The following TRPS1 variants were observed in gnomAD, a reference collection of about 807,000 sequenced individuals.
TRPS1 encodes transcriptional repressor GATA binding 1.
In TRPS1, 6 loss-of-function variants were observed where a neutral mutation model predicts 101.2. The observed-to-expected ratio is 0.06, with a 90% CI of 0.03 to 0.12. TRPS1 has a LOEUF of 0.12. TRPS1 is among the 10% of genes least tolerant of loss of function. The pLI is 1.00. For missense variants in TRPS1, 1,363 were observed against 1,567.0 expected, an observed-to-expected ratio of 0.87 and a Z score of 2.20; for synonymous variants, 578 against 589.8, an observed-to-expected ratio of 0.98 and a Z score of 0.29.
intron 6 of TRPS1, among the ~76,000 whole-genome samples, chr8:115,416,097 TA>T (rs1333303184): frequency 1.3e-5 from 2 of 152,146 alleles, no homozygotes; most frequent in African/African-American, 4.8e-5. Flanking sequence ...GTTGAAAATC[TA>T]AATTCATGTG....
At chr8:115,429,509 C>T (rs938139590) in intron 5 of TRPS1, among the ~76,000 whole-genome samples, 1 of 152,122 alleles carries the variant, frequency 6.6e-6, no homozygotes, top group African/African-American at 2.4e-5. Flanking sequence ...CACACTATAT[C>T]GCATACCAAA....
intron 5 of TRPS1, among the ~76,000 whole-genome samples, chr8:115,465,449 T>C (rs1485621313): frequency 6.6e-6 from 1 of 152,040 alleles, no homozygotes; most frequent in Non-Finnish European, 1.5e-5. Context: ...TCCAAAACAC[T>C]AGGGACAGAG....
intron 1 of TRPS1, among the ~76,000 whole-genome samples, chr8:115,658,453 A>T (rs1811724277): frequency 6.6e-6 from 1 of 152,182 alleles, no homozygotes; most frequent in Non-Finnish European, 1.5e-5. Flanking sequence ...TGGATTATAC[A>T]GTATCCTAGT....
At chr8:115,471,414 T>C (rs749503084) in intron 5 of TRPS1, among the ~76,000 whole-genome samples, 10 of 152,194 alleles carry the variant, frequency 6.6e-5, no homozygotes, top group Admixed American at 2.0e-4. Flanking sequence ...AACAGCAGCA[T>C]TGGGGTAACC....
At chr8:115,631,934 A>G (rs934154173) in intron 1 of TRPS1, among the ~76,000 whole-genome samples, 1 of 152,136 alleles carries the variant, frequency 6.6e-6, no homozygotes. Context: ...GTCGTGAGAC[A>G]TAAGAACTAC....
intron 3 of TRPS1, among the ~76,000 whole-genome samples, chr8:115,608,967 C>T (rs767824748): frequency 6.6e-6 from 1 of 152,076 alleles, no homozygotes; most frequent in Non-Finnish European, 1.5e-5. Flanking sequence ...CCACCTTAGC[C>T]TCCAGAGTAG....
At chr8:115,596,883 T>G (rs1305828611) in intron 4 of TRPS1, among the ~76,000 whole-genome samples, 1 of 151,928 alleles carries the variant, frequency 6.6e-6, no homozygotes, top group Admixed American at 6.6e-5. Context: ...TATAAAACAC[T>G]ATCCCACTGT....
At chr8:115,656,409 C>G (rs1349055231) in intron 1 of TRPS1, among the ~76,000 whole-genome samples, 3 of 152,182 alleles carry the variant, frequency 2.0e-5, no homozygotes, top group Non-Finnish European at 4.4e-5. Flanking sequence ...AACCCTGTGT[C>G]TGGGCAGTAT....
At chr8:115,648,966 A>G (rs980010425) in intron 1 of TRPS1, among the ~76,000 whole-genome samples, 6 of 152,164 alleles carry the variant, frequency 3.9e-5, no homozygotes, top group Admixed American at 2.0e-4. Context: ...ATACAAAGCC[A>G]TAGGATTATC....
At chr8:115,434,612 C>A (rs1180275133) in intron 5 of TRPS1, among the ~76,000 whole-genome samples, 1 of 152,092 alleles carries the variant, frequency 6.6e-6, no homozygotes, top group Non-Finnish European at 1.5e-5. Context: ...GAGAAATAGT[C>A]ATTTTTAACT....
intron 5 of TRPS1, among the ~76,000 whole-genome samples, chr8:115,509,006 G>T (rs1815513901): frequency 6.6e-6 from 1 of 151,592 alleles, no homozygotes; most frequent in South Asian, 2.1e-4. Context: ...TCCTTCTCTT[G>T]AATTAAACAA....
chr8:115,596,101 T>C (rs1586439836), intron 4 of TRPS1, among the ~76,000 whole-genome samples: 2 of 151,976 alleles, frequency 1.3e-5, no homozygotes, highest in East Asian at 3.8e-4. Flanking sequence ...GTCAACTCTT[T>C]CAGTCTGATT....
intron 5 of TRPS1, among the ~76,000 whole-genome samples, chr8:115,488,769 A>G (rs1391290895): frequency 1.3e-5 from 2 of 152,202 alleles, no homozygotes; most frequent in Non-Finnish European, 2.9e-5. Flanking sequence ...CTCACTCAAG[A>G]TAATATTGGA....
At chr8:115,501,209 TG>T (rs1815310858) in intron 5 of TRPS1, among the ~76,000 whole-genome samples, 1 of 152,234 alleles carries the variant, frequency 6.6e-6, no homozygotes, top group Non-Finnish European at 1.5e-5. Context: ...CATTCTTGTT[TG>T]GTTTACTACG....
intron 5 of TRPS1, among the ~76,000 whole-genome samples, chr8:115,568,615 A>T (rs1235166632): frequency 6.6e-6 from 1 of 152,162 alleles, no homozygotes; most frequent in African/African-American, 2.4e-5. Context: ...TGCTCTAAAA[A>T]ATATATCAGA....
chr8:115,555,974 A>G (rs534584440), intron 5 of TRPS1, among the ~76,000 whole-genome samples: 2 of 152,220 alleles, frequency 1.3e-5, no homozygotes, highest in Middle Eastern at 3.4e-3. Context: ...GCAGTGAACC[A>G]TGATTGCACC....
chr8:115,456,430 C>T (rs1222600432), intron 5 of TRPS1, among the ~76,000 whole-genome samples: 2 of 152,060 alleles, frequency 1.3e-5, no homozygotes, highest in Non-Finnish European at 2.9e-5. Flanking sequence ...CTGAATTGTA[C>T]ACTAAAAAAT....
intron 5 of TRPS1, among the ~76,000 whole-genome samples, chr8:115,538,793 T>C (rs1453849507): frequency 6.6e-6 from 1 of 152,162 alleles, no homozygotes; most frequent in Non-Finnish European, 1.5e-5. Flanking sequence ...CACTGACAAT[T>C]AATCTGAGAT....
In TRPS1 at chr8:115,411,949, A is replaced by G. The variant is rs1446088754; in HGVS notation, c.*2074T>C. Reference sequence around the variant, plus strand: ...AAGAAACGAAGACCCGGCACTGTGAAAAAGAAACAAAACCCAAACAAAACA... The same window carrying G: ...AAGAAACGAAGACCCGGCACTGTGAGAAAGAAACAAAACCCAAACAAAACA... On this transcript the variant is annotated 3_prime_UTR_variant, in exon 7 of 7. Transcript: ENST00000395715. The G allele has an allele frequency of 6.6e-6, 1 of 152,454 alleles. No individual in the cohort carries two copies. The highest frequency in any genetic ancestry group is 2.4e-5 in the African/African-American group (1 of 41,430). 9.4% of individuals were successfully genotyped at this position (152,454 alleles called of 1,614,324 possible).
Sources: allele counts gnomAD v4.1 joint callset (sites outside exome capture counted in the v4.1 genomes callset), GRCh38; gene constraint gnomAD v4.1.1; transcripts MANE v1.5; gene names NCBI Gene and HGNC (gene_info 2026-07-23, HGNC 2026-07-21).